The following GRIA2 variants were observed in gnomAD, a reference collection of about 807,000 sequenced individuals.
GRIA2 encodes glutamate receptor 2.
Under a neutral mutation model 97.3 loss-of-function variants are expected in GRIA2, and 14 were observed. That is an observed-to-expected ratio of 0.14 (90% CI 0.10 to 0.23). The LOEUF is 0.23. GRIA2 is among the 10% of genes least tolerant of loss of function. The pLI, the probability that GRIA2 is intolerant of heterozygous loss-of-function variation, is 1.00. For missense variants in GRIA2, 558 were observed against 1,069.8 expected, an observed-to-expected ratio of 0.52 and a Z score of 6.67; for synonymous variants, 412 against 387.8, an observed-to-expected ratio of 1.06 and a Z score of -0.73.
At chr4:157,323,083 C>T (rs1430382682) in intron 6 of GRIA2, among the ~76,000 whole-genome samples, 1 of 151,974 alleles carries the variant, frequency 6.6e-6, no homozygotes. Flanking sequence ...CGCCTGTAAT[C>T]CCTGCACTTT....
chr4:157,271,440 C>G (rs1449411126), intron 2 of GRIA2, among the ~76,000 whole-genome samples: 1 of 152,010 alleles, frequency 6.6e-6, no homozygotes, highest in Non-Finnish European at 1.5e-5. Flanking sequence ...GATTAATTTG[C>G]TTAAGCAGGT....
chr4:157,315,177 G>A (rs1247579245), intron 4 of GRIA2, among the ~76,000 whole-genome samples: 1 of 152,144 alleles, frequency 6.6e-6, no homozygotes, highest in Non-Finnish European at 1.5e-5. Context: ...AGGAAGCAAT[G>A]TTAAACAATA....
intron 2 of GRIA2, among the ~76,000 whole-genome samples, chr4:157,277,840 A>ATG (rs1340973560): frequency 1.4e-5 from 2 of 146,462 alleles, no homozygotes; most frequent in Non-Finnish European, 3.0e-5. Flanking sequence ...ATATGTATAT[A>ATG]TATATGTATA....
chr4:157,242,567 C>T (rs1348652543), intron 2 of GRIA2, among the ~76,000 whole-genome samples: 1 of 151,704 alleles, frequency 6.6e-6, no homozygotes, highest in East Asian at 1.9e-4. Context: ...TATAACCATT[C>T]AGAAAAGTTT....
At chr4:157,355,594 A>G (rs1386798942) in intron 12 of GRIA2, among the ~76,000 whole-genome samples, 1 of 138,804 alleles carries the variant, frequency 7.2e-6, no homozygotes, top group Non-Finnish European at 1.5e-5. Flanking sequence ...ATATTTATTT[A>G]TATATATATT....
At chr4:157,234,319 T>C (rs1399338806) in intron 2 of GRIA2, among the ~76,000 whole-genome samples, 2 of 152,104 alleles carry the variant, frequency 1.3e-5, no homozygotes, top group Admixed American at 1.3e-4. Flanking sequence ...TTTCTCTATG[T>C]AATTTTCAAA....
chr4:157,334,250 A>G (rs1308324904), intron 9 of GRIA2, 130 bp downstream of exon 9: 1 of 612,150 alleles, frequency 1.6e-6, no homozygotes, highest in African/African-American at 1.9e-5. Context: ...CATTTATTTC[A>G]TATTTACTCT....
chr4:157,362,668 C>A, intron 14 of GRIA2, 131 bp from the exon 15 acceptor site: 1 of 778,616 alleles, frequency 1.3e-6, no homozygotes, highest in Non-Finnish European at 2.1e-6. Flanking sequence ...AAGAGAAAAT[C>A]CATTGTTTCT....
intron 2 of GRIA2, among the ~76,000 whole-genome samples, chr4:157,262,374 T>C (rs1731580227): frequency 6.6e-6 from 1 of 151,810 alleles, no homozygotes; most frequent in Admixed American, 6.6e-5. Context: ...TAATGGTAAC[T>C]TTTTTTTGCT....
intron 12 of GRIA2, among the ~76,000 whole-genome samples, chr4:157,349,416 A>G (rs964636445): frequency 7.3e-5 from 11 of 151,422 alleles, no homozygotes; most frequent in Admixed American, 4.6e-4. Flanking sequence ...TAAGATTGTT[A>G]AAATCTTCCT....
intron 4 of GRIA2, among the ~76,000 whole-genome samples, chr4:157,314,315 C>A (rs1386933405): frequency 1.3e-5 from 2 of 152,020 alleles, no homozygotes; most frequent in Non-Finnish European, 1.5e-5. Flanking sequence ...TTGATTAAAT[C>A]CTAATTGATA....
Position 157,359,973 on chromosome 4 carries a change from G to C in GRIA2, c.2121G>C (p.Thr707=), listed in dbSNP as rs758716774. The C allele has an allele frequency of 6.2e-7, 1 of 1,613,708 alleles. No individual in the cohort carries two copies. The highest frequency in any genetic ancestry group is 8.5e-7 in the Non-Finnish European group (1 of 1,179,890). ...SAEPSVFVRT[T]AEGVARVRKS... ...AGCCCTCTGTGTTTGTGAGGACTAC[G>C]GCCGAAGGGGTGGCTAGAGTGCGGA... is the stretch of plus-strand genomic sequence containing the variant. Residue 707 remains threonine, a synonymous_variant, in exon 13 of 16, where the codon ACG becomes ACC. Transcript: ENST00000264426.
chr4:157,324,979 T>A (rs1172070007), intron 6 of GRIA2, among the ~76,000 whole-genome samples: 17 of 152,292 alleles, frequency 1.1e-4, no homozygotes, highest in Admixed American at 1.1e-3. Flanking sequence ...CATTGCCTGA[T>A]AAATTCATAT....
intron 2 of GRIA2, among the ~76,000 whole-genome samples, chr4:157,294,049 C>G (rs187075354): frequency 2.8e-4 from 42 of 152,160 alleles, no homozygotes; most frequent in African/African-American, 9.6e-4. Context: ...ATGGCACATG[C>G]GCAGGAACCC....
chr4:157,231,642 A>G (rs1049504631), intron 2 of GRIA2, among the ~76,000 whole-genome samples: 22 of 152,320 alleles, frequency 1.4e-4, no homozygotes, highest in African/African-American at 5.3e-4. Flanking sequence ...ACTAGACTGC[A>G]TTTTATAGGG....
intron 10 of GRIA2, 56 bp from the exon 11 acceptor site, chr4:157,336,321 G>T: frequency 7.3e-7 from 1 of 1,375,058 alleles, no homozygotes; most frequent in African/African-American, 1.4e-5. Context: ...ACATAACCAC[G>T]ATTCCTTTTT....
intron 11 of GRIA2, among the ~76,000 whole-genome samples, chr4:157,338,108 T>C (rs1735387046): frequency 1.3e-5 from 2 of 148,926 alleles, no homozygotes; most frequent in African/African-American, 2.5e-5. Flanking sequence ...TTATCATCTC[T>C]GTATTTAGTT....
intron 2 of GRIA2, among the ~76,000 whole-genome samples, chr4:157,264,626 G>A (rs560169112): frequency 4.5e-4 from 68 of 152,058 alleles, no homozygotes; most frequent in Admixed American, 1.8e-3. Flanking sequence ...TGGGAATTAG[G>A]ACATGGGGGA....
Position 157,349,042 on chromosome 4 carries a change from T to A in GRIA2, c.2043+7580T>A, listed in dbSNP as rs565950371. On this transcript the variant is annotated intron_variant, in intron 12 of 15. Coordinates refer to ENST00000264426, the MANE Select transcript of GRIA2 (RefSeq NM_001083619.3). ...AGAATGCAGACTTAAGCTAAATCCTTTTATAAGGCAGACAGTGACTATTGA... is the reference window on the plus strand; with the variant it reads ...AGAATGCAGACTTAAGCTAAATCCTATTATAAGGCAGACAGTGACTATTGA... 2.0e-5 allele frequency among the ~76,000 whole-genome samples: 3 copies of A among 152,336 alleles called. No individual in the cohort carries two copies. The East Asian group carries it at 5.8e-4, about 29-fold the overall frequency.
Sources: allele counts gnomAD v4.1 joint callset (sites outside exome capture counted in the v4.1 genomes callset), GRCh38; gene constraint gnomAD v4.1.1; transcripts MANE v1.5; gene names NCBI Gene and HGNC (gene_info 2026-07-23, HGNC 2026-07-21).